Variants in IRAK1BP1 observed in about 807,000 individuals in gnomAD.
The protein encoded by IRAK1BP1 is interleukin-1 receptor-associated kinase 1-binding protein 1.
In IRAK1BP1, 24 loss-of-function variants were observed where a neutral mutation model predicts 28.0. That is an observed-to-expected ratio of 0.86 (90% CI 0.62 to 1.20). IRAK1BP1 has a LOEUF of 1.20. Ranked by LOEUF, IRAK1BP1 falls within the 50% of genes most tolerant of loss-of-function variation. The pLI, the probability that IRAK1BP1 is intolerant of heterozygous loss-of-function variation, is 0.00. For missense variants in IRAK1BP1, 336 were observed against 316.7 expected, an observed-to-expected ratio of 1.06 and a Z score of -0.46; for synonymous variants, 131 against 116.3, an observed-to-expected ratio of 1.13 and a Z score of -0.81.
At chr6:78,949,536 A>G (rs1186989614), downstream of IRAK1BP1, among the ~76,000 whole-genome samples, 1 of 152,066 alleles carries the variant, frequency 6.6e-6, no homozygotes, top group East Asian at 1.9e-4. Flanking sequence ...GTTAACTGTG[A>G]CCTGCCTTGC....
At chr6:78,928,689 C>T (rs1053558156) in intron 4 of IRAK1BP1, among the ~76,000 whole-genome samples, 6 of 151,992 alleles carry the variant, frequency 3.9e-5, no homozygotes, top group Non-Finnish European at 8.8e-5. Flanking sequence ...GAGATATGTC[C>T]CTTCTATGTC....
At chr6:78,961,890 TTA>T in the IRAK1BP1 span, 1 of 1,120,980 alleles carries the variant, frequency 8.9e-7, no homozygotes, top group South Asian at 1.5e-5. Flanking sequence ...GAATTAAGAC[TTA>T]AAAAGTCCTA....
downstream of IRAK1BP1, chr6:78,947,815 C>A (rs375775755): frequency 5.7e-6 from 8 of 1,400,696 alleles, no homozygotes; most frequent in Admixed American, 1.8e-5. Flanking sequence ...ATTATTACTA[C>A]ACAAAGCATC....
At chr6:78,977,867 T>C in the IRAK1BP1 span, among the ~76,000 whole-genome samples, 16 of 152,274 alleles carry the variant, frequency 1.1e-4, no homozygotes, top group East Asian at 2.3e-3. Flanking sequence ...TTGTTTTCTT[T>C]TTTTTCTTAA....
chr6:78,977,077 G>A, the IRAK1BP1 span, among the ~76,000 whole-genome samples: 106 of 134,770 alleles, frequency 7.9e-4, no homozygotes, highest in Non-Finnish European at 8.8e-4. Context: ...ACATGCACAC[G>A]TATGTTTATT....
chr6:78,952,319 C>T, the IRAK1BP1 span, among the ~76,000 whole-genome samples: 2 of 149,940 alleles, frequency 1.3e-5, no homozygotes, highest in African/African-American at 4.9e-5. Context: ...CTCGTGAGGC[C>T]GAGGCAGGAG....
intron 4 of IRAK1BP1, among the ~76,000 whole-genome samples, chr6:78,928,902 A>G (rs923613177): frequency 6.6e-6 from 1 of 152,148 alleles, no homozygotes; most frequent in African/African-American, 2.4e-5. Flanking sequence ...TTATTGTTGA[A>G]TTCAATTTGC....
chr6:78,955,659 AT>A, the IRAK1BP1 span: 1 of 1,084,542 alleles, frequency 9.2e-7, no homozygotes, highest in Non-Finnish European at 1.4e-6. Context: ...ATAAAGTGGA[AT>A]TATGTTATAA....
the IRAK1BP1 span, among the ~76,000 whole-genome samples, chr6:78,977,228 G>A: frequency 6.6e-6 from 1 of 151,096 alleles, no homozygotes; most frequent in African/African-American, 2.4e-5. Flanking sequence ...CCTTTGTAGG[G>A]ACATGGATGA....
downstream of IRAK1BP1, among the ~76,000 whole-genome samples, chr6:78,948,156 T>G (rs543144820): frequency 8.5e-5 from 13 of 152,278 alleles, no homozygotes; most frequent in African/African-American, 2.6e-4. Flanking sequence ...TCTGACTCAT[T>G]AAAACACAAC....
At chr6:78,961,601 A>G in the IRAK1BP1 span, 1 of 1,351,110 alleles carries the variant, frequency 7.4e-7, no homozygotes, top group Non-Finnish European at 1.0e-6. Context: ...CCTATATACA[A>G]AAAGTTGAGA....
the IRAK1BP1 span, chr6:78,955,481 G>GTTT: frequency 6.6e-6 from 3 of 453,578 alleles, no homozygotes; most frequent in South Asian, 3.8e-5. Flanking sequence ...ACTGCCAGTT[G>GTTT]TTTTTTTTTT....
rs1377590112 is a variant in IRAK1BP1, at chr6:78,867,777, G to A, written c.201G>A (p.Arg67=). Residue 67 remains arginine (R), a synonymous_variant, in exon 1 of 4, where the codon CGG becomes CGA. Transcript: ENST00000369940. ...CAGAAGTGTCTGCGGGCCCTGACCGGGCGCAGGTGGTGGTGCGAGTGAGCA... is the reference window on the plus strand; with the variant it reads ...CAGAAGTGTCTGCGGGCCCTGACCGAGCGCAGGTGGTGGTGCGAGTGAGCA... ...GTSEVSAGPD[R]AQVVVRVSST... is the part of the protein sequence containing the mutation. 6.2e-7 allele frequency: 1 copy of A among 1,613,898 alleles called. No homozygotes were observed. The highest frequency in any genetic ancestry group is 8.5e-7 in the Non-Finnish European group (1 of 1,179,978).
the IRAK1BP1 span, chr6:78,954,760 T>C: frequency 1.8e-6 from 2 of 1,133,424 alleles, no homozygotes; most frequent in Non-Finnish European, 2.5e-6. Flanking sequence ...AACTGTCATG[T>C]AAAAGGTATG....
downstream of IRAK1BP1, among the ~76,000 whole-genome samples, chr6:78,906,276 T>A (rs1292212286): frequency 6.6e-6 from 1 of 152,080 alleles, no homozygotes; most frequent in African/African-American, 2.4e-5. Context: ...TATTGGGAAA[T>A]GGCAGATGAA....
the IRAK1BP1 span, among the ~76,000 whole-genome samples, chr6:78,973,025 A>G: frequency 7.9e-5 from 12 of 152,184 alleles, no homozygotes; most frequent in Admixed American, 7.9e-4. Context: ...AAATACAGAG[A>G]ACGCCATAAA....
Position 78,870,595 on chromosome 6 carries a change from A to G in IRAK1BP1, c.315+2704A>G, listed in dbSNP as rs142954144. On this transcript the variant is annotated intron_variant, in intron 1 of 3. Coordinates refer to ENST00000369940, the MANE Select transcript of IRAK1BP1 (RefSeq NM_001010844.4). ...TAGATTTATGAACTTGTGTGAAGGT[A>G]TAATCCTTACTTCTAGCGTGGTTTT... Among the ~76,000 whole-genome samples the G allele has an allele frequency of 6.4e-4, 98 of 152,372 alleles. 1 individual carries two copies. In the South Asian group the frequency reaches 8.1e-3, roughly 13 times the overall value.
At chr6:78,868,428 A>G (rs1159473804) in intron 1 of IRAK1BP1, among the ~76,000 whole-genome samples, 1 of 152,144 alleles carries the variant, frequency 6.6e-6, no homozygotes, top group African/African-American at 2.4e-5. Flanking sequence ...TTTTATAATG[A>G]TTTTCATTTT....
intron 4 of IRAK1BP1, among the ~76,000 whole-genome samples, chr6:78,920,498 G>T (rs1007895751): frequency 6.6e-6 from 1 of 152,144 alleles, no homozygotes; most frequent in Non-Finnish European, 1.5e-5. Context: ...ATCTGTAGCT[G>T]CTCTTTGACA....
Sources: allele counts gnomAD v4.1 joint callset (sites outside exome capture counted in the v4.1 genomes callset), GRCh38; gene constraint gnomAD v4.1.1; transcripts MANE v1.5; gene names NCBI Gene and HGNC (gene_info 2026-07-23, HGNC 2026-07-21).